The following MCC variants were observed in gnomAD, a reference collection of about 807,000 sequenced individuals.
MCC encodes colorectal mutant cancer protein.
A neutral mutation model predicts 116.2 loss-of-function variants in MCC; 90 were observed. The observed-to-expected ratio is 0.77, with a 90% CI of 0.65 to 0.92. The LOEUF (loss-of-function observed/expected upper bound fraction) is 0.92. Among genes scored for constraint, MCC ranks in the 40% least tolerant of loss-of-function variants. MCC has a pLI of 0.00. For missense variants in MCC, 1,516 were observed against 1,312.2 expected, an observed-to-expected ratio of 1.16 and a Z score of -2.40; for synonymous variants, 578 against 510.5, an observed-to-expected ratio of 1.13 and a Z score of -1.78.
chr5:113,205,121 C>T (rs1762857201), intron 3 of MCC, among the ~76,000 whole-genome samples: 1 of 152,208 alleles, frequency 6.6e-6, no homozygotes, highest in African/African-American at 2.4e-5. Flanking sequence ...CTCTCTCCCT[C>T]ACCCCCTGCC....
rs996156593 is a variant in MCC, at chr5:113,079,742, G to C, written c.1784+3118C>G. Among the ~76,000 whole-genome samples, 5 of 152,200 alleles carry C rather than the reference G, an allele frequency of 3.3e-5. No homozygotes were observed. The South Asian group carries it at 1.0e-3, about 31-fold the overall frequency. On this transcript the variant is annotated intron_variant, in intron 11 of 18. Transcript: ENST00000408903. ...CTAGGCAATACCATTCAGGACATAG[G>C]CATGGGCAAGGACTTCATGACTAAA...
At chr5:113,072,844 C>T (rs1754133589) in intron 11 of MCC, among the ~76,000 whole-genome samples, 1 of 152,200 alleles carries the variant, frequency 6.6e-6, no homozygotes, top group African/African-American at 2.4e-5. Context: ...GCTCACATAT[C>T]CAGCTGCCTT....
intron 3 of MCC, among the ~76,000 whole-genome samples, chr5:113,270,424 A>G (rs530030343): frequency 7.3e-6 from 1 of 136,374 alleles, no homozygotes; most frequent in South Asian, 2.4e-4. Context: ...ACTGGGGCAC[A>G]CATCAAATTC....
intron 3 of MCC, among the ~76,000 whole-genome samples, chr5:113,241,437 A>G (rs1327944800): frequency 6.6e-6 from 1 of 152,210 alleles, no homozygotes; most frequent in Admixed American, 6.5e-5. Flanking sequence ...ACCAAGAAAA[A>G]TAATTTACTC....
intron 3 of MCC, among the ~76,000 whole-genome samples, chr5:113,317,747 CAT>C (rs1477931343): frequency 6.6e-6 from 1 of 152,222 alleles, no homozygotes; most frequent in Non-Finnish European, 1.5e-5. Context: ...ATGCAATCCA[CAT>C]GTCTTCAACA....
At chr5:113,065,796 GTGGCATGATGGC>G (rs770137751) in intron 13 of MCC, among the ~76,000 whole-genome samples, 94 of 152,346 alleles carry the variant, frequency 6.2e-4, no homozygotes, top group African/African-American at 2.1e-3. Flanking sequence ...GGCATGATGG[GTGGCATGATGGC>G]ACAGTATGAT....
intron 2 of MCC, among the ~76,000 whole-genome samples, chr5:113,374,922 G>A (rs191106074): frequency 9.4e-4 from 139 of 148,290 alleles, no homozygotes; most frequent in African/African-American, 3.4e-3. Context: ...AGTCCAGGAG[G>A]TCAAGGCTGC....
intron 1 of MCC, among the ~76,000 whole-genome samples, chr5:113,462,415 A>T (rs1771767508): frequency 6.6e-6 from 1 of 152,250 alleles, no homozygotes; most frequent in Admixed American, 6.5e-5. Flanking sequence ...ATTTTCCTGA[A>T]GCCTCCAGAA....
intron 3 of MCC, among the ~76,000 whole-genome samples, chr5:113,268,454 T>C (rs1436734689): frequency 2.6e-5 from 4 of 152,192 alleles, no homozygotes; most frequent in Admixed American, 1.3e-4. Flanking sequence ...ACCATAATGT[T>C]TGTCTACCTA....
chr5:113,297,661 G>A (rs984231724), intron 3 of MCC, among the ~76,000 whole-genome samples: 6 of 146,864 alleles, frequency 4.1e-5, no homozygotes, highest in African/African-American at 2.5e-5. Context: ...GCTGAGGCAC[G>A]AGAACCACTT....
intron 3 of MCC, among the ~76,000 whole-genome samples, chr5:113,258,036 C>T (rs1217142547): frequency 2.6e-5 from 4 of 152,038 alleles, no homozygotes; most frequent in Non-Finnish European, 4.4e-5. Flanking sequence ...GAGAAGTGAG[C>T]AGAATTGAGA....
intron 3 of MCC, chr5:113,295,040 G>T: frequency 1.3e-6 from 1 of 767,594 alleles, no homozygotes; most frequent in Non-Finnish European, 1.6e-6. Flanking sequence ...TAGCCTGGAG[G>T]CCGAGCAGAG....
chr5:113,256,154 T>C (rs1764994104), intron 3 of MCC, among the ~76,000 whole-genome samples: 1 of 151,858 alleles, frequency 6.6e-6, no homozygotes, highest in African/African-American at 2.4e-5. Flanking sequence ...AACCAGCACA[T>C]AGTTTAGCTG....
chr5:113,130,715 T>A (rs1312567748), intron 5 of MCC, among the ~76,000 whole-genome samples: 1 of 151,994 alleles, frequency 6.6e-6, no homozygotes, highest in African/African-American at 2.4e-5. Context: ...TGGCACATCA[T>A]CCCTCTCAGG....
chr5:113,402,254 A>T (rs534975387), intron 1 of MCC, among the ~76,000 whole-genome samples: 6 of 146,306 alleles, frequency 4.1e-5, no homozygotes, highest in African/African-American at 1.6e-4. Context: ...AGATTGCGCC[A>T]CTGCACTCCA....
At chr5:113,220,269 C>T (rs897490784) in intron 3 of MCC, among the ~76,000 whole-genome samples, 1 of 151,596 alleles carries the variant, frequency 6.6e-6, no homozygotes, top group African/African-American at 2.4e-5. Flanking sequence ...CCGTGTTAGC[C>T]AGGATGGTCT....
chr5:113,317,992 C>A (rs1231203010), intron 3 of MCC, among the ~76,000 whole-genome samples: 1 of 152,040 alleles, frequency 6.6e-6, no homozygotes, highest in African/African-American at 2.4e-5. Flanking sequence ...CTTTATGAAT[C>A]ATATAAGAAG....
chr5:113,346,759 C>A (rs899452324), intron 2 of MCC, among the ~76,000 whole-genome samples: 5 of 152,050 alleles, frequency 3.3e-5, no homozygotes, highest in African/African-American at 7.2e-5. Context: ...CCAAAGAAGA[C>A]TACCTCAAGG....
Position 113,085,230 on chromosome 5 carries a change from G to A in MCC, c.1479C>T (p.Arg493=). Residue 493 remains arginine, a synonymous_variant, in exon 9 of 19, where the codon CGC becomes CGT. Transcript: ENST00000408903. ...GCTCCCCAGTGCTGGGGTTAATCGG[G>A]CGGTTGGTGGAAGTGAGGCGGCCAG... The part of the protein sequence containing the change: ...SSPGRLTSTN[R]PINPSTGELS... 2 of 1,614,204 alleles carry A rather than the reference G, an allele frequency of 1.2e-6. No homozygotes were observed. Among genetic ancestry groups the A allele is most frequent in the South Asian group, 1.1e-5 (1 of 91,088 alleles).
Sources: gnomAD v4.1 joint callset for allele counts (sites outside exome capture counted in the v4.1 genomes callset) on GRCh38, gnomAD v4.1.1 for gene constraint, MANE v1.5 for transcripts, NCBI Gene and HGNC (gene_info 2026-07-23, HGNC 2026-07-21) for gene names.